NT5C2: variants seen among roughly 807,000 people sequenced by gnomAD.
NT5C2 encodes the protein 5'-nucleotidase, cytosolic II.
NT5C2 carries 58 observed loss-of-function variants against 76.1 expected under a neutral mutation model. The ratio of observed to expected loss-of-function variants is 0.76; its 90% CI spans 0.62 to 0.95. NT5C2 has a LOEUF of 0.95. Ranked by LOEUF, NT5C2 falls within the 40% of genes least tolerant of loss-of-function variation. NT5C2 has a pLI of 0.00. For synonymous variants in NT5C2, 229 were observed against 237.4 expected, an observed-to-expected ratio of 0.96 and a Z score of 0.32; for missense variants, 478 against 690.3, an observed-to-expected ratio of 0.69 and a Z score of 3.45.
Position 103,172,657 on chromosome 10 carries a change from G to A in NT5C2, c.101+2201C>T, listed in dbSNP as rs1047383620. Among the ~76,000 whole-genome samples the A allele has an allele frequency of 4.6e-5, 7 of 152,044 alleles. No individual in the cohort carries two copies. In the South Asian group the frequency reaches 6.2e-4, roughly 14 times the overall value. ...TCAAGACCAGCCTGGCCAACATGGC[G>A]AAACTCCATCTCTACTAAAATTACA... On this transcript the variant is annotated intron_variant, in intron 3 of 18. Coordinates refer to ENST00000404739, the MANE Select transcript of NT5C2 (RefSeq NM_001351169.2).
At chr10:103,137,486 C>A (rs989307260) in intron 4 of NT5C2, among the ~76,000 whole-genome samples, 1 of 152,128 alleles carries the variant, frequency 6.6e-6, no homozygotes, top group East Asian at 1.9e-4. Flanking sequence ...CAAGTACTCC[C>A]GTAATTTCGT....
At chr10:103,119,009 A>G (rs1260703476) in intron 4 of NT5C2, among the ~76,000 whole-genome samples, 1 of 152,072 alleles carries the variant, frequency 6.6e-6, no homozygotes, top group East Asian at 1.9e-4. Context: ...AACTACATCT[A>G]TTTTTCTGTT....
chr10:103,191,197 G>A (rs775397865), intron 1 of NT5C2, among the ~76,000 whole-genome samples: 3 of 151,968 alleles, frequency 2.0e-5, no homozygotes, highest in Non-Finnish European at 4.4e-5. Flanking sequence ...TTCGAGACCA[G>A]CCTGACCAAC....
chr10:103,116,049 T>C (rs1401259686), intron 4 of NT5C2, among the ~76,000 whole-genome samples: 2 of 152,100 alleles, frequency 1.3e-5, no homozygotes, highest in Non-Finnish European at 2.9e-5. Context: ...AGAAAAATAA[T>C]AGCAGCTAAA....
At chr10:103,098,372 T>G (rs1172481784) in intron 10 of NT5C2, 2 of 235,744 alleles carry the variant, frequency 8.5e-6, no homozygotes, top group African/African-American at 4.8e-5. Flanking sequence ...CATTACTCTC[T>G]GTTGACAGGT....
chr10:103,099,756 C>T lies in NT5C2; in HGVS notation c.633+170G>A, dbSNP rs111975808. Among the ~76,000 whole-genome samples, 714 of 152,056 alleles carry T rather than the reference C, an allele frequency of 4.7e-3. 3 individuals are homozygous for T. The highest frequency in any genetic ancestry group is 7.2e-3 in the Admixed American group (110 of 15,278). On this transcript the variant is annotated intron_variant, in intron 9 of 18. Transcript: ENST00000404739. ...ACTGAGGAAAGATCAACATTACCACCGAGACCAAAGACAAGAACAAATGTA... is the reference window on the plus strand; with the variant it reads ...ACTGAGGAAAGATCAACATTACCACTGAGACCAAAGACAAGAACAAATGTA...
intron 4 of NT5C2, among the ~76,000 whole-genome samples, chr10:103,126,666 G>C (rs188236629): frequency 8.5e-4 from 130 of 152,250 alleles, no homozygotes; most frequent in African/African-American, 2.7e-3. Context: ...CTCTTGGCCA[G>C]TGGTAAAGCT....
At chr10:103,192,891 G>A (rs2092748139) in intron 1 of NT5C2, among the ~76,000 whole-genome samples, 2 of 152,220 alleles carry the variant, frequency 1.3e-5, no homozygotes, top group Admixed American at 6.5e-5. Flanking sequence ...GGAACGCGGC[G>A]AACGGCCGCG....
chr10:103,157,059 TTA>T (rs966818635), intron 3 of NT5C2, among the ~76,000 whole-genome samples: 1 of 149,164 alleles, frequency 6.7e-6, no homozygotes, highest in East Asian at 1.9e-4. Flanking sequence ...TATATTACTC[TTA>T]TATATATTAT....
chr10:103,120,739 TA>T (rs2075492029), intron 4 of NT5C2, among the ~76,000 whole-genome samples: 1 of 152,220 alleles, frequency 6.6e-6, no homozygotes, highest in Admixed American at 6.5e-5. Context: ...GGCAGTTCTT[TA>T]AAAAGCTAAA....
intron 3 of NT5C2, among the ~76,000 whole-genome samples, chr10:103,155,226 A>T (rs2133882765): frequency 6.6e-6 from 1 of 152,340 alleles, no homozygotes; most frequent in South Asian, 2.1e-4. Context: ...TAATAGTAGT[A>T]TTAGAGATAC....
intron 15 of NT5C2, 104 bp downstream of exon 15, chr10:103,093,035 C>A: frequency 8.5e-6 from 8 of 943,954 alleles, no homozygotes; most frequent in Non-Finnish European, 1.2e-5. Context: ...TGCCTTTTGA[C>A]CACCTCTGAC....
chr10:103,164,862 T>C (rs1565245729), intron 3 of NT5C2, among the ~76,000 whole-genome samples: 1 of 152,212 alleles, frequency 6.6e-6, no homozygotes, highest in African/African-American at 2.4e-5. Flanking sequence ...ATGCCACCAA[T>C]ACCACTTTTC....
chr10:103,139,583 AATTG>A, intron 3 of NT5C2, 104 bp from the exon 4 acceptor site: 2 of 827,986 alleles, frequency 2.4e-6, no homozygotes, highest in Non-Finnish European at 3.7e-6. Context: ...TTATTTTTCC[AATTG>A]ATTTTTTAAA....
chr10:103,093,117 C>T, intron 15 of NT5C2, 22 bp downstream of exon 15: 1 of 1,529,470 alleles, frequency 6.5e-7, no homozygotes, highest in Non-Finnish European at 8.8e-7. Context: ...TAAATTACAC[C>T]AAAGATTTAT....
rs2071348526 is a variant in NT5C2 at position 103,106,638 on chromosome 10, A to G, written c.244T>C (p.Tyr82His). Residue 82 changes from tyrosine (Y) to histidine (H), a missense_variant, in exon 5 of 19, where the codon TAT (tyrosine) becomes CAT (histidine). Transcript: ENST00000404739. ...GCAAAGCTGAGCAACTCCTGGGGAT[A>G]GCCAATAGAAACTAATCTCTCCACA... ...LTVERLVSIG[Y>H]PQELLSFAYD... The G allele has an allele frequency of 3.1e-6, 5 of 1,613,932 alleles. No homozygotes were observed. Among genetic ancestry groups the G allele is most frequent in the Non-Finnish European group, 4.2e-6 (5 of 1,179,804 alleles).
intron 9 of NT5C2, among the ~76,000 whole-genome samples, chr10:103,099,604 T>C (rs950148174): frequency 1.3e-5 from 2 of 151,648 alleles, no homozygotes; most frequent in Non-Finnish European, 2.9e-5. Context: ...GGGTGGGAGG[T>C]ATCTGGACAA....
chr10:103,090,603 T>TAACTC lies in NT5C2; in HGVS notation c.1449+3_1449+7dup, dbSNP rs2066529786. ...ACATCTTGGCTGTCCATTACAGCTT[T>TAACTC]AACTCACCAAGACATGGGCAGCCCT... On this transcript the variant is annotated splice_region_variant and intron_variant, in intron 18 of 18. Transcript: ENST00000404739. 6.2e-7 allele frequency: 1 copy of TAACTC among 1,611,120 alleles called. No individual in the cohort carries two copies. The highest frequency in any genetic ancestry group is 1.3e-5 in the African/African-American group (1 of 74,886).
intron 4 of NT5C2, among the ~76,000 whole-genome samples, chr10:103,133,039 C>T (rs1014685235): frequency 1.3e-5 from 2 of 152,112 alleles, no homozygotes; most frequent in African/African-American, 2.4e-5. Flanking sequence ...TGAATTTGCA[C>T]GTGTTGTGGG....
Sources: gnomAD v4.1 joint callset for allele counts (sites outside exome capture counted in the v4.1 genomes callset) on GRCh38, gnomAD v4.1.1 for gene constraint, MANE v1.5 for transcripts, NCBI Gene and HGNC (gene_info 2026-07-23, HGNC 2026-07-21) for gene names.